Variants in CACFD1 observed in about 807,000 individuals in gnomAD.
CACFD1 encodes calcium channel flower homolog.
Under a neutral mutation model 21.3 loss-of-function variants are expected in CACFD1, and 26 were observed. The ratio of observed to expected loss-of-function variants is 1.22; its 90% CI spans 0.89 to 1.69. CACFD1 has a LOEUF of 1.69. Ranked by LOEUF, CACFD1 falls within the 40% of genes most tolerant of loss-of-function variation. The probability of loss-of-function intolerance (pLI) is 0.00; values close to 1 mark genes in which losing one functional copy is unlikely to be tolerated. For synonymous variants in CACFD1, 121 were observed against 106.6 expected (o/e 1.13, Z -0.83); for missense variants, 265 against 236.2 (o/e 1.12, Z -0.80).
Position 133,468,831 on chromosome 9 carries a change from T to C in CACFD1, c.*178T>C. 2 of 1,105,236 alleles carry C rather than the reference T, an allele frequency of 1.8e-6. No homozygotes were observed. The highest frequency in any genetic ancestry group is 2.5e-6 in the Non-Finnish European group (2 of 802,310). 68.5% of individuals were successfully genotyped at this position (1,105,236 alleles called of 1,614,324 possible). On this transcript the variant is annotated 3_prime_UTR_variant, in exon 5 of 5. Transcript: ENST00000316948. ...TAAGCCAGGAGCCACTGGCTGCTGGTGTGAGGGTCTGGGCTGCTGGACTTG... is the reference window on the plus strand; with the variant it reads ...TAAGCCAGGAGCCACTGGCTGCTGGCGTGAGGGTCTGGGCTGCTGGACTTG...
intron 3 of CACFD1, among the ~76,000 whole-genome samples, chr9:133,466,730 C>T (rs1554799628): frequency 6.6e-6 from 1 of 152,044 alleles, no homozygotes; most frequent in African/African-American, 2.4e-5. Context: ...GAGTCTCTCC[C>T]CCGCCCCCAC....
At position 133,468,295 on chromosome 9, in the gene CACFD1, G is replaced by A. The variant is rs782302053; in HGVS notation, c.428+267G>A. ...TGGTGGGAGCCCCTTCCCCTCCCAG[G>A]TCTGCACCGGGCATTGTACTCAGTT... is the stretch of plus-strand genomic sequence containing the variant. On this transcript the variant is annotated intron_variant, in intron 4 of 4. Coordinates refer to ENST00000316948, the MANE Select transcript of CACFD1 (RefSeq NM_017586.5). 55 of 1,516,278 alleles carry A rather than the reference G, an allele frequency of 3.6e-5. No individual in the cohort carries two copies. In the South Asian group the frequency reaches 6.5e-4, roughly 18 times the overall value. The allele number at this position is 1,516,278 out of a possible 1,614,324, so 93.9% of individuals were successfully genotyped here.
At chr9:133,460,947 G>A (rs1029193868) in intron 1 of CACFD1, among the ~76,000 whole-genome samples, 2 of 152,244 alleles carry the variant, frequency 1.3e-5, no homozygotes, top group African/African-American at 4.8e-5. Flanking sequence ...AGCACAGCCA[G>A]AAAAGGACAA....
At chr9:133,464,091 C>T (rs1288740738) in intron 2 of CACFD1, among the ~76,000 whole-genome samples, 1 of 152,246 alleles carries the variant, frequency 6.6e-6, no homozygotes, top group African/African-American at 2.4e-5. Flanking sequence ...CCATGCCCAC[C>T]TCCTGCCAGG....
At position 133,459,990 on chromosome 9, in the gene CACFD1, A is replaced by G. The variant is rs1843056967; in HGVS notation, c.-77A>G. The G allele has an allele frequency of 2.1e-6, 3 of 1,447,784 alleles. No homozygotes were observed. The highest frequency in any genetic ancestry group is 2.7e-6 in the Non-Finnish European group (3 of 1,101,784). 89.7% of individuals were successfully genotyped at this position (1,447,784 alleles called of 1,614,324 possible). A position where few individuals can be genotyped will look rare whatever the true frequency, so the allele number is the denominator to read the frequency against. Reference sequence around the variant, plus strand: ...ATGCTAATATGCTCCCTCTCCCACAAGGCAGCGCGCCGGCTCGGACGCGGC... The same window carrying G: ...ATGCTAATATGCTCCCTCTCCCACAGGGCAGCGCGCCGGCTCGGACGCGGC... On this transcript the variant is annotated 5_prime_UTR_variant, in exon 1 of 5. Transcript: ENST00000316948.
intron 3 of CACFD1, among the ~76,000 whole-genome samples, chr9:133,466,906 T>C (rs1002100318): frequency 1.3e-5 from 2 of 152,250 alleles, no homozygotes; most frequent in African/African-American, 2.4e-5. Context: ...AAGTTCAGTG[T>C]GTTTTCTGTA....
In CACFD1 at chr9:133,467,983, C is replaced by T; in HGVS notation, c.383C>T (p.Ala128Val). The T allele has an allele frequency of 6.2e-7, 1 of 1,613,950 alleles. No individual in the cohort carries two copies. Among genetic ancestry groups the T allele is most frequent in the Non-Finnish European group, 8.5e-7 (1 of 1,180,006 alleles). Residue 128 changes from alanine (A) to valine (V), a missense_variant, in exon 4 of 5, where the codon GCC becomes GTC. Ala to Val is a moderately conservative substitution (Grantham distance 64, BLOSUM62 0). Transcript: ENST00000316948. ...ACCACGCTGCTGGGCAACGCCATCGCCTTTGCTACGGGGGTGCTGTACGGA... is the reference window on the plus strand; with the variant it reads ...ACCACGCTGCTGGGCAACGCCATCGTCTTTGCTACGGGGGTGCTGTACGGA... ...TLTTLLGNAI[A>V]FATGVLYGLS... is the part of the protein sequence containing the mutation.
At chr9:133,466,877 C>T (rs1843458613) in intron 3 of CACFD1, among the ~76,000 whole-genome samples, 1 of 152,184 alleles carries the variant, frequency 6.6e-6, no homozygotes, top group African/African-American at 2.4e-5. Context: ...CCTGTGGGAA[C>T]CTCAGTGTTC....
rs1010733045 is a variant in CACFD1, at chr9:133,470,520, C to G, written c.*1867C>G. 1.3e-5 allele frequency: 2 copies of G among 152,464 alleles called. No homozygotes were observed. Among genetic ancestry groups the G allele is most frequent in the Non-Finnish European group, 2.9e-5 (2 of 68,268 alleles). The allele number at this position is 152,464 out of a possible 1,614,324, so 9.4% of individuals were successfully genotyped here. A position where few individuals can be genotyped will look rare whatever the true frequency, so the allele number is the denominator to read the frequency against. On this transcript the variant is annotated 3_prime_UTR_variant, in exon 5 of 5. Coordinates refer to ENST00000316948, the MANE Select transcript of CACFD1 (RefSeq NM_017586.5). Reference sequence around the variant, plus strand: ...GAGGTGGAAGGCCCTGGGCCACAGGCGAGAGTGGGCGTGTCACCTGTCCCA... The same window carrying G: ...GAGGTGGAAGGCCCTGGGCCACAGGGGAGAGTGGGCGTGTCACCTGTCCCA...
chr9:133,460,842 T>C (rs1843173733), intron 1 of CACFD1, among the ~76,000 whole-genome samples: 1 of 152,198 alleles, frequency 6.6e-6, no homozygotes, highest in South Asian at 2.1e-4. Flanking sequence ...CCGTTGCTGC[T>C]GCCTTAGCCG....
chr9:133,467,989 C>T lies in CACFD1; in HGVS notation c.389C>T (p.Ala130Val). Residue 130 changes from alanine to valine, a missense_variant, in exon 4 of 5, where the codon GCT becomes GTT. Physicochemically the swap from Ala to Val is moderately conservative, Grantham distance 64. Coordinates refer to ENST00000316948, the MANE Select transcript of CACFD1 (RefSeq NM_017586.5). ...CTGCTGGGCAACGCCATCGCCTTTG[C>T]TACGGGGGTGCTGTACGGACTCTCT... is the stretch of plus-strand genomic sequence containing the variant. Reference protein sequence around the residue: ...TTLLGNAIAFATGVLYGLSAL... With the variant: ...TTLLGNAIAFVTGVLYGLSAL... 1 of 1,614,016 alleles carries T rather than the reference C, an allele frequency of 6.2e-7. No individual in the cohort carries two copies. The highest frequency in any genetic ancestry group is 8.5e-7 in the Non-Finnish European group (1 of 1,180,024).
Position 133,463,533 on chromosome 9 carries a change from A to G in CACFD1, c.172A>G (p.Ile58Val). Residue 58 changes from isoleucine to valine, a missense_variant, in exon 2 of 5, where the codon ATT becomes GTT. Transcript: ENST00000316948. ...FNCITIHPLN[I>V]AAGVWMIMNA... Reference sequence around the variant, plus strand: ...CTGCATCACCATCCACCCTCTGAACATTGCGGCCGGCGTGTGGATGATGTG... The same window carrying G: ...CTGCATCACCATCCACCCTCTGAACGTTGCGGCCGGCGTGTGGATGATGTG... 2 of 1,614,030 alleles carry G rather than the reference A, an allele frequency of 1.2e-6. No individual in the cohort carries two copies. Among genetic ancestry groups the G allele is most frequent in the Non-Finnish European group, 1.7e-6 (2 of 1,179,982 alleles).
chr9:133,463,469 T>A lies in CACFD1; in HGVS notation c.122-14T>A. 6.2e-7 allele frequency: 1 copy of A among 1,614,002 alleles called. No homozygotes were observed. ...GCCTCCCTGCTGACTCCTGCCCGTG[T>A]CTCTTGTTTCAAGCTTGCGCGATCT... On this transcript the variant is annotated splice_polypyrimidine_tract_variant and intron_variant, in intron 1 of 4. Coordinates refer to ENST00000316948, the MANE Select transcript of CACFD1 (RefSeq NM_017586.5).
At position 133,460,073 on chromosome 9, in the gene CACFD1, A is replaced by G; in HGVS notation, c.7A>G (p.Ser3Gly). 6.4e-7 allele frequency: 1 copy of G among 1,562,618 alleles called. No homozygotes were observed. Among genetic ancestry groups the G allele is most frequent in the Non-Finnish European group, 8.7e-7 (1 of 1,153,906 alleles). ...TGCGCCTGACGGTGGCACCATGAGC[A>G]GCTCAGGTGGGGCGCCCGGGGCGTC... MS[S>G]SGGAPGASAS... is the part of the protein sequence containing the mutation. The change falls in exon 1 of 5, where the codon AGC becomes GGC. Residue 3 changes from serine to glycine, a missense_variant. Ser to Gly is a moderately conservative substitution (Grantham distance 56). Transcript: ENST00000316948.
Position 133,463,493 on chromosome 9 carries a change from C to T in CACFD1, c.132C>T (p.Ile44=). ...SGVLGAVSCA[I]SGLFNCITIH... is the part of the protein sequence containing the mutation. ...GTCTCTTGTTTCAAGCTTGCGCGATCTCTGGCCTCTTCAACTGCATCACCA... is the reference window on the plus strand; with the variant it reads ...GTCTCTTGTTTCAAGCTTGCGCGATTTCTGGCCTCTTCAACTGCATCACCA... The change falls in exon 2 of 5, where the codon ATC becomes ATT. Residue 44 remains isoleucine (I), a synonymous_variant. Coordinates refer to ENST00000316948, the MANE Select transcript of CACFD1 (RefSeq NM_017586.5). 3.1e-6 allele frequency: 5 copies of T among 1,614,132 alleles called. No homozygotes were observed. The highest frequency in any genetic ancestry group is 4.2e-6 in the Non-Finnish European group (5 of 1,180,024).
rs1843407684 is a variant in CACFD1, at chr9:133,465,641, C to G, written c.320+194C>G. The stretch of plus-strand genomic sequence containing the variant: ...GCCCCAGTGGTTCTGCGCCCAGGAA[C>G]TCAGCTGTCGCTGTGCCGTAGTCAC... On this transcript the variant is annotated intron_variant, in intron 3 of 4. Coordinates refer to ENST00000316948, the MANE Select transcript of CACFD1 (RefSeq NM_017586.5). This position sits in a 1 kb window ranked among gnomAD's most constrained non-coding sequence, Gnocchi z 5.0. 3.3e-6 allele frequency: 2 copies of G among 602,590 alleles called. No individual in the cohort carries two copies. The highest frequency in any genetic ancestry group is 5.8e-6 in the Non-Finnish European group (2 of 344,388). The allele number at this position is 602,590 out of a possible 1,614,324, so 37.3% of individuals were successfully genotyped here.
In CACFD1 at chr9:133,468,894, C is replaced by A. The variant is rs1843559952; in HGVS notation, c.*241C>A. 5 of 589,762 alleles carry A rather than the reference C, an allele frequency of 8.5e-6. No individual in the cohort carries two copies. The highest frequency in any genetic ancestry group is 1.4e-5 in the Non-Finnish European group (5 of 353,058). The allele number at this position is 589,762 out of a possible 1,614,324, so 36.5% of individuals were successfully genotyped here. A position where few individuals can be genotyped will look rare whatever the true frequency, so the allele number is the denominator to read the frequency against. ...CAGCAGCTGTGTGGACACTACCCAG[C>A]CCTACTCCTCTGCTGGGTGGGTCTG... is the stretch of plus-strand genomic sequence containing the variant. On this transcript the variant is annotated 3_prime_UTR_variant, in exon 5 of 5. Transcript: ENST00000316948.
chr9:133,460,559 G>C (rs375097222), intron 1 of CACFD1, among the ~76,000 whole-genome samples: 1 of 140,814 alleles, frequency 7.1e-6, no homozygotes, highest in East Asian at 2.0e-4. Context: ...CTTTCTCGGT[G>C]ATGCTCACGG....
At chr9:133,467,792 A>G (rs1554799821) in intron 3 of CACFD1, 129 bp from the exon 4 acceptor site, 1 of 653,274 alleles carries the variant, frequency 1.5e-6, no homozygotes, top group Non-Finnish European at 2.8e-6. Context: ...GCTGTGTCTC[A>G]GTTGATTTTT....
Sources: allele counts gnomAD v4.1 joint callset (sites outside exome capture counted in the v4.1 genomes callset), GRCh38; gene constraint gnomAD v4.1.1; non-coding constraint Gnocchi (gnomAD v3.1); transcripts MANE v1.5; gene names NCBI Gene and HGNC (gene_info 2026-07-23, HGNC 2026-07-21).